The following GINS3 variants were observed in gnomAD, a reference collection of about 807,000 sequenced individuals.
The protein encoded by GINS3 is GINS complex subunit 3.
Under a neutral mutation model 20.0 loss-of-function variants are expected in GINS3, and 18 were observed. The observed-to-expected ratio is 0.90, with a 90% CI of 0.62 to 1.33. The LOEUF (loss-of-function observed/expected upper bound fraction) is 1.33. Ranked by LOEUF, GINS3 falls within the 40% of genes most tolerant of loss-of-function variation. The pLI, the probability that GINS3 is intolerant of heterozygous loss-of-function variation, is 0.00. For synonymous variants in GINS3, 109 were observed against 107.0 expected, an observed-to-expected ratio of 1.02 and a Z score of -0.12; for missense variants, 254 against 273.6, an observed-to-expected ratio of 0.93 and a Z score of 0.51.
At chr16:58,396,832 G>A (rs1170831209) in intron 1 of GINS3, among the ~76,000 whole-genome samples, 1 of 139,082 alleles carries the variant, frequency 7.2e-6, no homozygotes, top group Non-Finnish European at 1.6e-5. Flanking sequence ...TCCCAGTAGG[G>A]GCGGCCGGGC....
chr16:58,392,632 G>A lies in GINS3; in HGVS notation c.31G>A (p.Gly11Ser). 1.2e-6 allele frequency: 2 copies of A among 1,614,206 alleles called. No individual in the cohort carries two copies. Among genetic ancestry groups the A allele is most frequent in the South Asian group, 1.1e-5 (1 of 91,088 alleles). Residue 11 changes from glycine (G) to serine (S), a missense_variant, in exon 1 of 3, where the codon GGT (glycine) becomes AGT (serine). Gly to Ser is a moderately conservative substitution (Grantham distance 56). Coordinates refer to ENST00000318129, the MANE Select transcript of GINS3 (RefSeq NM_022770.4). ...AGAGGCTTATTTCCGAGTGGAGTCG[G>A]GTGCGCTGGGGCCTGAGGAGAACTT... is the stretch of plus-strand genomic sequence containing the variant. The part of the protein sequence containing the change: MSEAYFRVES[G>S]ALGPEENFLS...
intron 1 of GINS3, among the ~76,000 whole-genome samples, chr16:58,396,429 T>G (rs1275355094): frequency 1.4e-4 from 7 of 48,364 alleles, no homozygotes; most frequent in South Asian, 8.5e-4. Context: ...GGCGGCTGGC[T>G]GGGCAGAGGG....
intron 1 of GINS3, among the ~76,000 whole-genome samples, chr16:58,399,522 G>T (rs954297173): frequency 4.0e-5 from 6 of 151,600 alleles, no homozygotes; most frequent in Non-Finnish European, 7.4e-5. Flanking sequence ...TCATATTTAA[G>T]GTATGTCTCT....
Position 58,392,622 on chromosome 16 carries a change from A to T in GINS3, c.21A>T (p.Arg7=). The T allele has an allele frequency of 6.2e-7, 1 of 1,614,142 alleles. No individual in the cohort carries two copies. Among genetic ancestry groups the T allele is most frequent in the Non-Finnish European group, 8.5e-7 (1 of 1,180,010 alleles). Residue 7 remains arginine (R), a synonymous_variant, in exon 1 of 3, where the codon CGA becomes CGT. Transcript: ENST00000318129. MSEAYF[R]VESGALGPEE... ...CCGCCATGTCAGAGGCTTATTTCCG[A>T]GTGGAGTCGGGTGCGCTGGGGCCTG...
intron 1 of GINS3, among the ~76,000 whole-genome samples, chr16:58,395,684 A>T (rs1400941816): frequency 6.6e-6 from 1 of 152,166 alleles, no homozygotes; most frequent in African/African-American, 2.4e-5. Context: ...AAGGCAGAAG[A>T]ATTTTTCTTA....
intron 1 of GINS3, chr16:58,395,339 T>C (rs138660659): frequency 5.6e-6 from 1 of 179,738 alleles, no homozygotes; most frequent in Non-Finnish European, 1.0e-5. Context: ...ATATATATAT[T>C]TTTTTTTTAA....
At chr16:58,397,038 C>T (rs1278787443) in intron 1 of GINS3, among the ~76,000 whole-genome samples, 11 of 146,732 alleles carry the variant, frequency 7.5e-5, no homozygotes, top group South Asian at 2.2e-4. Flanking sequence ...ACCTCCCTTC[C>T]GGACAGGGCG....
chr16:58,396,157 T>C (rs1486945416), intron 1 of GINS3, among the ~76,000 whole-genome samples: 21 of 85,294 alleles, frequency 2.5e-4, no homozygotes, highest in South Asian at 4.6e-4. Context: ...CACCTCCCTC[T>C]TGGACGGGGC....
At chr16:58,396,821 T>A (rs1276873650) in intron 1 of GINS3, among the ~76,000 whole-genome samples, 4 of 101,860 alleles carry the variant, frequency 3.9e-5, no homozygotes, top group South Asian at 3.6e-4. Context: ...GGCTCCTCAC[T>A]TCCCAGTAGG....
intron 1 of GINS3, among the ~76,000 whole-genome samples, chr16:58,399,634 AT>A (rs1329423834): frequency 6.6e-6 from 1 of 151,856 alleles, no homozygotes; most frequent in East Asian, 1.9e-4. Flanking sequence ...ATTTGTATTC[AT>A]TTTTACCTTC....
At chr16:58,392,923 C>A in intron 1 of GINS3, 136 bp downstream of exon 1, 1 of 948,562 alleles carries the variant, frequency 1.1e-6, no homozygotes, top group Non-Finnish European at 1.5e-6. Context: ...AAGGCGCTAA[C>A]GACTTCTCGG....
At chr16:58,402,990 C>A in intron 1 of GINS3, 108 bp from the exon 2 acceptor site, 1 of 853,804 alleles carries the variant, frequency 1.2e-6, no homozygotes, top group East Asian at 2.6e-5. Flanking sequence ...AGCCACTCCC[C>A]CAAAGAGAAA....
In GINS3 at chr16:58,392,609, A is replaced by G; in HGVS notation, c.8A>G (p.Glu3Gly). Residue 3 changes from glutamate to glycine, a missense_variant, in exon 1 of 3, where the codon GAG (glutamate) becomes GGG (glycine). Transcript: ENST00000318129. MS[E>G]AYFRVESGAL... is the part of the protein sequence containing the mutation. ...GAAGCTCAAGTGGCCGCCATGTCAG[A>G]GGCTTATTTCCGAGTGGAGTCGGGT... 2 of 1,614,012 alleles carry G rather than the reference A, an allele frequency of 1.2e-6. No homozygotes were observed. The highest frequency in any genetic ancestry group is 1.7e-5 in the Admixed American group (1 of 60,020).
intron 1 of GINS3, among the ~76,000 whole-genome samples, chr16:58,396,416 C>A (rs1286623801): frequency 8.4e-6 from 1 of 118,402 alleles, no homozygotes; most frequent in African/African-American, 3.6e-5. Context: ...CCCTCCCGGA[C>A]GGGGCGGCTG....
At chr16:58,395,789 C>T (rs1173713155) in intron 1 of GINS3, among the ~76,000 whole-genome samples, 1 of 152,210 alleles carries the variant, frequency 6.6e-6, no homozygotes, top group Non-Finnish European at 1.5e-5. Context: ...CCTTTCCCCC[C>T]TTTCTATTCC....
At chr16:58,401,062 G>A (rs556044748) in intron 1 of GINS3, among the ~76,000 whole-genome samples, 15 of 152,050 alleles carry the variant, frequency 9.9e-5, no homozygotes, top group South Asian at 4.2e-4. Context: ...TGATTTGCCC[G>A]CCTTGGCCTC....
rs1251060145 is a variant in GINS3 at position 58,392,634 on chromosome 16, T to A, written c.33T>A (p.Gly11=). 1 of 1,614,164 alleles carries A rather than the reference T, an allele frequency of 6.2e-7. No individual in the cohort carries two copies. The highest frequency in any genetic ancestry group is 2.2e-5 in the East Asian group (1 of 44,876). The change falls in exon 1 of 3, where the codon GGT becomes GGA. Residue 11 remains glycine (G), a synonymous_variant. Transcript: ENST00000318129. Reference sequence around the variant, plus strand: ...AGGCTTATTTCCGAGTGGAGTCGGGTGCGCTGGGGCCTGAGGAGAACTTTC... The same window carrying A: ...AGGCTTATTTCCGAGTGGAGTCGGGAGCGCTGGGGCCTGAGGAGAACTTTC... MSEAYFRVES[G]ALGPEENFLS... is the part of the protein sequence containing the mutation.
intron 1 of GINS3, among the ~76,000 whole-genome samples, chr16:58,402,268 G>A (rs971540325): frequency 1.3e-5 from 2 of 152,064 alleles, no homozygotes; most frequent in South Asian, 2.1e-4. Context: ...TAAAGTTGGC[G>A]CCTAATTTCT....
chr16:58,395,938 G>A (rs1304385767), intron 1 of GINS3, among the ~76,000 whole-genome samples: 251 of 150,504 alleles, frequency 1.7e-3, no homozygotes, highest in African/African-American at 5.5e-3. Flanking sequence ...CCTCCCGGAC[G>A]GGGCGGCTGG....
Sources: gnomAD v4.1 joint callset for allele counts (sites outside exome capture counted in the v4.1 genomes callset) on GRCh38, gnomAD v4.1.1 for gene constraint, MANE v1.5 for transcripts, NCBI Gene and HGNC (gene_info 2026-07-23, HGNC 2026-07-21) for gene names.